Variants in RIMKLB observed in about 807,000 individuals in gnomAD.
The protein encoded by RIMKLB is beta-citrylglutamate synthase B.
RIMKLB carries 7 observed loss-of-function variants against 32.0 expected under a neutral mutation model. The observed-to-expected ratio is 0.22, with a 90% confidence interval of 0.12 to 0.41. RIMKLB has a LOEUF of 0.41. RIMKLB is among the 10% of genes least tolerant of loss of function. RIMKLB has a pLI of 1.00. For synonymous variants in RIMKLB, 172 were observed against 185.1 expected, an observed-to-expected ratio of 0.93 and a Z score of 0.57; for missense variants, 289 against 498.7, an observed-to-expected ratio of 0.58 and a Z score of 4.00.
chr12:8,776,002 A>G lies in RIMKLB; in HGVS notation c.*2218A>G. ...ATTTGGTATAGAGAAATAAATGAGGAAGAAAGAACTGCTTAATTAAATTAT... is the reference window on the plus strand; with the variant it reads ...ATTTGGTATAGAGAAATAAATGAGGGAGAAAGAACTGCTTAATTAAATTAT... On this transcript the variant is annotated 3_prime_UTR_variant, in exon 6 of 6. Coordinates refer to ENST00000535829, the MANE Select transcript of RIMKLB (RefSeq NM_001297776.2). 1 of 984,528 alleles carries G rather than the reference A, an allele frequency of 1.0e-6. No individual in the cohort carries two copies. The highest frequency in any genetic ancestry group is 1.2e-6 in the Non-Finnish European group (1 of 829,112). 61.0% of individuals were successfully genotyped at this position (984,528 alleles called of 1,614,324 possible). A position where few individuals can be genotyped will look rare whatever the true frequency, so the allele number is the denominator to read the frequency against.
chr12:8,742,654 C>A, intron 2 of RIMKLB: 1 of 244,614 alleles, frequency 4.1e-6, no homozygotes, highest in South Asian at 5.1e-5. Flanking sequence ...GTATTGATGT[C>A]AGTGATATAT....
chr12:8,760,715 A>G (rs1408371498), intron 5 of RIMKLB, among the ~76,000 whole-genome samples: 5 of 152,126 alleles, frequency 3.3e-5, no homozygotes. Context: ...GCATTTTTTC[A>G]TGTGTATGTT....
chr12:8,690,114 TAC>T (rs1942689258), intron 1 of RIMKLB, among the ~76,000 whole-genome samples: 1 of 152,216 alleles, frequency 6.6e-6, no homozygotes, highest in South Asian at 2.1e-4. Context: ...CAAAACATTT[TAC>T]AGTTTCCTAC....
intron 5 of RIMKLB, among the ~76,000 whole-genome samples, chr12:8,755,268 ATT>A (rs747735639): frequency 2.1e-5 from 3 of 142,810 alleles, no homozygotes; most frequent in African/African-American, 2.5e-5. Context: ...AATTTTTTAC[ATT>A]TTTTTTTTTT....
At chr12:8,756,962 G>C (rs193230280) in intron 5 of RIMKLB, among the ~76,000 whole-genome samples, 2 of 152,024 alleles carry the variant, frequency 1.3e-5, no homozygotes, top group Non-Finnish European at 2.9e-5. Flanking sequence ...AAGCCACCAG[G>C]TGTGAGCCAC....
intron 2 of RIMKLB, among the ~76,000 whole-genome samples, chr12:8,748,136 G>T (rs924840655): frequency 3.9e-5 from 6 of 152,084 alleles, no homozygotes; most frequent in African/African-American, 1.2e-4. Context: ...ATAACCTTAA[G>T]TACCTAGAAT....
chr12:8,761,781 G>T (rs1420173498), intron 5 of RIMKLB, among the ~76,000 whole-genome samples: 4 of 152,140 alleles, frequency 2.6e-5, no homozygotes, highest in African/African-American at 9.7e-5. Flanking sequence ...TGCTGTTGGG[G>T]AGGTTGGCTG....
At chr12:8,690,481 CG>C (rs1381571900) in intron 1 of RIMKLB, among the ~76,000 whole-genome samples, 7 of 152,128 alleles carry the variant, frequency 4.6e-5, no homozygotes, top group African/African-American at 1.7e-4. Flanking sequence ...TTATAGTCTT[CG>C]GAGGGATTAC....
chr12:8,739,194 A>C (rs1420811369), intron 2 of RIMKLB, among the ~76,000 whole-genome samples: 1 of 152,142 alleles, frequency 6.6e-6, no homozygotes, highest in Non-Finnish European at 1.5e-5. Flanking sequence ...GGAGGCTGGT[A>C]AGTTCGATAT....
intron 5 of RIMKLB, among the ~76,000 whole-genome samples, chr12:8,770,859 A>C (rs767483675): frequency 7.8e-4 from 119 of 152,278 alleles, no homozygotes; most frequent in Middle Eastern, 3.4e-3. Flanking sequence ...CTTCTGACCA[A>C]CTGGCTTCAA....
At chr12:8,695,694 C>CTTTT (rs397951288), upstream of RIMKLB, among the ~76,000 whole-genome samples, 53 of 132,742 alleles carry the variant, frequency 4.0e-4, no homozygotes, top group African/African-American at 1.4e-3. Context: ...TGAATAGCAA[C>CTTTT]TTTTTTTTTT....
In RIMKLB at chr12:8,775,141, A is replaced by G. The variant is rs909075612; in HGVS notation, c.*1357A>G. 18 of 985,426 alleles carry G rather than the reference A, an allele frequency of 1.8e-5. No individual in the cohort carries two copies. The African/African-American group carries it at 2.4e-4, about 13-fold the overall frequency. The allele number at this position is 985,426 out of a possible 1,614,324, so 61.0% of individuals were successfully genotyped here. A position where few individuals can be genotyped will look rare whatever the true frequency, so the allele number is the denominator to read the frequency against. ...TTTGTTTCTAGCCTGTTCAGTGTAC[A>G]GTTTATTCAAGGCTACATGCTTTTC... is the stretch of plus-strand genomic sequence containing the variant. On this transcript the variant is annotated 3_prime_UTR_variant, in exon 6 of 6. Coordinates refer to ENST00000535829, the MANE Select transcript of RIMKLB (RefSeq NM_001297776.2).
intron 1 of RIMKLB, among the ~76,000 whole-genome samples, chr12:8,704,971 A>AACAC (rs3076182): frequency 0.015 from 2,221 of 146,648 alleles, 31 homozygotes; most frequent in East Asian, 0.049. Context: ...TCACCTCTAA[A>AACAC]ACACACACAC....
At chr12:8,693,072 G>A (rs1260231654), upstream of RIMKLB, among the ~76,000 whole-genome samples, 2 of 152,200 alleles carry the variant, frequency 1.3e-5, no homozygotes, top group Non-Finnish European at 2.9e-5. Flanking sequence ...ATCCCCGCTA[G>A]TTTCCTTGTC....
rs2138315900 is a variant in RIMKLB, at chr12:8,774,416, T to C, written c.*632T>C. On this transcript the variant is annotated 3_prime_UTR_variant, in exon 6 of 6. Coordinates refer to ENST00000535829, the MANE Select transcript of RIMKLB (RefSeq NM_001297776.2). ...TTCTTAATGACAAAATTGGCATGTT[T>C]GCATGATGAAATGGAAATGAACAGT... The C allele has an allele frequency of 1.0e-6, 1 of 985,820 alleles. No homozygotes were observed. Among genetic ancestry groups the C allele is most frequent in the South Asian group, 4.7e-5 (1 of 21,292 alleles). 61.1% of individuals were successfully genotyped at this position (985,820 alleles called of 1,614,324 possible).
intron 3 of RIMKLB, among the ~76,000 whole-genome samples, chr12:8,750,622 A>G (rs1473260725): frequency 6.6e-6 from 1 of 151,712 alleles, no homozygotes; most frequent in African/African-American, 2.4e-5. Context: ...TTCTGGTAAA[A>G]GGGTTTTTTT....
intron 2 of RIMKLB, among the ~76,000 whole-genome samples, chr12:8,718,663 A>ATGTGTGTGTGTGTGTG (rs1379997821): frequency 8.6e-6 from 1 of 116,034 alleles, no homozygotes; most frequent in African/African-American, 3.0e-5. Flanking sequence ...CTATATATAT[A>ATGTGTGTGTGTGTGTG]TATATATGTG....
the RIMKLB span, among the ~76,000 whole-genome samples, chr12:8,670,577 G>A: frequency 2.6e-4 from 40 of 152,344 alleles, no homozygotes; most frequent in Admixed American, 4.6e-4. Context: ...TGGCTTTACA[G>A]AGTACAGTCT....
At chr12:8,683,861 C>T (rs1162472754) in intron 1 of RIMKLB, among the ~76,000 whole-genome samples, 5 of 152,076 alleles carry the variant, frequency 3.3e-5, no homozygotes, top group Non-Finnish European at 5.9e-5. Context: ...AATTCTCCTG[C>T]CTCAGCTTCC....
Sources: allele counts gnomAD v4.1 joint callset (sites outside exome capture counted in the v4.1 genomes callset), GRCh38; gene constraint gnomAD v4.1.1; transcripts MANE v1.5; gene names NCBI Gene and HGNC (gene_info 2026-07-23, HGNC 2026-07-21).